Variants in SYPL2 observed in about 807,000 individuals in gnomAD.
SYPL2 encodes synaptophysin-like protein 2.
SYPL2 carries 24 observed loss-of-function variants against 31.3 expected under a neutral mutation model. The ratio of observed to expected loss-of-function variants is 0.77; its 90% CI spans 0.56 to 1.08. SYPL2 has a LOEUF of 1.08. Among genes scored for constraint, SYPL2 ranks in the 50% least tolerant of loss-of-function variants. The pLI, the probability that SYPL2 is intolerant of heterozygous loss-of-function variation, is 0.00. For missense variants in SYPL2, 342 were observed against 360.1 expected (o/e 0.95, Z 0.41); for synonymous variants, 144 against 143.1 (o/e 1.01, Z -0.05).
chr1:109,476,726 GGA>G, intron 3 of SYPL2, 48 bp from the exon 4 acceptor site: 1 of 1,581,328 alleles, frequency 6.3e-7, no homozygotes, highest in Non-Finnish European at 8.6e-7. Context: ...TCTGGGCCAG[GGA>G]GAGAGAGGAT....
At chr1:109,469,108 G>A (rs1286134889) in intron 2 of SYPL2, among the ~76,000 whole-genome samples, 9 of 152,206 alleles carry the variant, frequency 5.9e-5, no homozygotes, top group Non-Finnish European at 1.5e-5. Context: ...AAGCTCTGCA[G>A]ATGAGGTAAC....
At chr1:109,468,035 CT>C (rs2100998172) in intron 2 of SYPL2, among the ~76,000 whole-genome samples, 1 of 152,324 alleles carries the variant, frequency 6.6e-6, no homozygotes, top group Non-Finnish European at 1.5e-5. Flanking sequence ...TCAGTTTCCC[CT>C]GTTACAGTCT....
rs373897450 is a variant in SYPL2, at chr1:109,480,313, G to A, written c.*765G>A. ...CCTCAATCCTCCCACCCACCAGGCT[G>A]GGGCACTTTCCACCAACACTCTAAA... is the stretch of plus-strand genomic sequence containing the variant. On this transcript the variant is annotated 3_prime_UTR_variant, in exon 6 of 6. Coordinates refer to ENST00000369872, the MANE Select transcript of SYPL2 (RefSeq NM_001040709.2). 1.3e-5 allele frequency: 2 copies of A among 152,254 alleles called. No individual in the cohort carries two copies. Among genetic ancestry groups the A allele is most frequent in the East Asian group, 1.9e-4 (1 of 5,190 alleles). 9.4% of individuals were successfully genotyped at this position (152,254 alleles called of 1,614,324 possible). A position where few individuals can be genotyped will look rare whatever the true frequency, so the allele number is the denominator to read the frequency against.
chr1:109,467,309 A>C (rs921006996), intron 2 of SYPL2, among the ~76,000 whole-genome samples, 176 bp downstream of exon 2: 22 of 152,172 alleles, frequency 1.4e-4, no homozygotes, highest in Admixed American at 4.6e-4. Context: ...CTCCGGACTT[A>C]GTGGCAGGAG....
chr1:109,474,631 G>A (rs1655942428), intron 2 of SYPL2, among the ~76,000 whole-genome samples: 1 of 151,918 alleles, frequency 6.6e-6, no homozygotes, highest in Non-Finnish European at 1.5e-5. Flanking sequence ...GTGAGCCACC[G>A]CACCTGGCCT....
At position 109,477,877 on chromosome 1, in the gene SYPL2, C is replaced by A. The variant is rs778048184; in HGVS notation, c.516C>A (p.Gly172=). The A allele has an allele frequency of 1.2e-6, 2 of 1,614,044 alleles. No homozygotes were observed. Among genetic ancestry groups the A allele is most frequent in the South Asian group, 2.2e-5 (2 of 91,056 alleles). ...FFWLVAAAAW[G]KGLTDVKGAT... ...GGCTGGTAGCTGCAGCTGCCTGGGG[C>A]AAGGGCCTGACCGATGTCAAGGGGG... is the stretch of plus-strand genomic sequence containing the variant. Residue 172 remains glycine (G), a synonymous_variant, in exon 5 of 6, where the codon GGC becomes GGA. Coordinates refer to ENST00000369872, the MANE Select transcript of SYPL2 (RefSeq NM_001040709.2).
intron 3 of SYPL2, 76 bp downstream of exon 3, chr1:109,475,781 C>A: frequency 6.4e-7 from 1 of 1,551,772 alleles, no homozygotes; most frequent in Non-Finnish European, 8.7e-7. Context: ...TCTTCCTCCT[C>A]CAGAAACCTA....
At position 109,467,229 on chromosome 1, in the gene SYPL2, C is replaced by A. The variant is rs576144180; in HGVS notation, c.129+96C>A. 176 of 442,694 alleles carry A rather than the reference C, an allele frequency of 4.0e-4. 1 individual carries two copies. Among genetic ancestry groups the A allele is most frequent in the African/African-American group, 3.9e-3 (160 of 41,102 alleles). 27.4% of individuals were successfully genotyped at this position (442,694 alleles called of 1,614,324 possible). A position where few individuals can be genotyped will look rare whatever the true frequency, so the allele number is the denominator to read the frequency against. ...CAGGGTGGGGGCTGGGGAGGTGCTG[C>A]GGCCGGGCCACGGCGGAAGGGTGGG... On this transcript the variant is annotated intron_variant, in intron 2 of 5. Transcript: ENST00000369872.
chr1:109,472,032 TAACTTA>T (rs1312935775), intron 2 of SYPL2, among the ~76,000 whole-genome samples: 3 of 152,080 alleles, frequency 2.0e-5, no homozygotes, highest in African/African-American at 7.2e-5. Flanking sequence ...TAATTCTGAT[TAACTTA>T]AACTTAAATA....
chr1:109,474,771 C>T (rs552271106), intron 2 of SYPL2, among the ~76,000 whole-genome samples: 2 of 152,268 alleles, frequency 1.3e-5, no homozygotes, highest in South Asian at 2.1e-4. Context: ...GAAAACAATT[C>T]GAGTGACCTG....
chr1:109,473,547 G>A (rs529560493), intron 2 of SYPL2, among the ~76,000 whole-genome samples: 2 of 152,268 alleles, frequency 1.3e-5, no homozygotes, highest in East Asian at 3.9e-4. Context: ...CTCAGAGAGT[G>A]AGAGAGTTCC....
chr1:109,473,326 A>G (rs560259966), intron 2 of SYPL2, among the ~76,000 whole-genome samples: 1 of 152,260 alleles, frequency 6.6e-6, no homozygotes, highest in African/African-American at 2.4e-5. Context: ...TCTTTCCCAG[A>G]TATCTTTAAA....
Position 109,466,864 on chromosome 1 carries a change from C to T in SYPL2, c.21C>T (p.Ala7=). Residue 7 remains alanine (A), a synonymous_variant, in exon 1 of 6, where the codon GCC becomes GCT. Coordinates refer to ENST00000369872, the MANE Select transcript of SYPL2 (RefSeq NM_001040709.2). MSSTES[A]GRTADKSPRQ... ...CCAGCATGTCCTCGACCGAGAGCGC[C>T]GGCCGCACGGCGGACAAGTCGCCGC... 2 of 1,529,022 alleles carry T rather than the reference C, an allele frequency of 1.3e-6. No individual in the cohort carries two copies. Among genetic ancestry groups the T allele is most frequent in the East Asian group, 2.5e-5 (1 of 40,046 alleles). The allele number at this position is 1,529,022 out of a possible 1,614,324, so 94.7% of individuals were successfully genotyped here. A position where few individuals can be genotyped will look rare whatever the true frequency, so the allele number is the denominator to read the frequency against.
chr1:109,476,927 T>A lies in SYPL2; in HGVS notation c.406T>A (p.Tyr136Asn). 6.2e-7 allele frequency: 1 copy of A among 1,614,190 alleles called. No individual in the cohort carries two copies. Among genetic ancestry groups the A allele is most frequent in the Non-Finnish European group, 8.5e-7 (1 of 1,180,038 alleles). ...FFYTMAALVI[Y>N]LRFHNLYTEN... The stretch of plus-strand genomic sequence containing the variant: ...CTATACCATGGCTGCCCTAGTTATC[T>A]ACCTGCGCTTCCACAACCTCTACAC... The change falls in exon 4 of 6, where the codon TAC becomes AAC. Residue 136 changes from tyrosine to asparagine, a missense_variant. Physicochemically the swap from Tyr to Asn is moderately radical, Grantham distance 143 (BLOSUM62 -2). Coordinates refer to ENST00000369872, the MANE Select transcript of SYPL2 (RefSeq NM_001040709.2).
At chr1:109,472,218 G>A (rs1655857468) in intron 2 of SYPL2, among the ~76,000 whole-genome samples, 1 of 152,050 alleles carries the variant, frequency 6.6e-6, no homozygotes, top group Non-Finnish European at 1.5e-5. Flanking sequence ...CTGGGCTCAA[G>A]AGATCTTCCC....
chr1:109,474,857 T>C (rs765418338), intron 2 of SYPL2, among the ~76,000 whole-genome samples: 1 of 152,126 alleles, frequency 6.6e-6, no homozygotes. Context: ...GGGGAAACAG[T>C]GGAGACTGAT....
chr1:109,479,992 G>A lies in SYPL2; in HGVS notation c.*444G>A, dbSNP rs2101009118. ...GCCTTCCCCTCTGGTCCCTTGTGTG[G>A]AGGCCCCAATAGTGGTTTGGCGACC... On this transcript the variant is annotated 3_prime_UTR_variant, in exon 6 of 6. Transcript: ENST00000369872. The A allele has an allele frequency of 6.1e-6, 1 of 164,350 alleles. No homozygotes were observed. Among genetic ancestry groups the A allele is most frequent in the South Asian group, 1.7e-4 (1 of 5,888 alleles). 10.2% of individuals were successfully genotyped at this position (164,350 alleles called of 1,614,324 possible).
chr1:109,480,532 G>A lies in SYPL2; in HGVS notation c.*984G>A, dbSNP rs1159422777. ...TCCAGGCCTTCCTTTTATTCCTGTGGGGCCAGACAGGGGCTTAGGAAGGGC... is the reference window on the plus strand; with the variant it reads ...TCCAGGCCTTCCTTTTATTCCTGTGAGGCCAGACAGGGGCTTAGGAAGGGC... On this transcript the variant is annotated 3_prime_UTR_variant, in exon 6 of 6. Coordinates refer to ENST00000369872, the MANE Select transcript of SYPL2 (RefSeq NM_001040709.2). 6.6e-6 allele frequency: 1 copy of A among 152,168 alleles called. No homozygotes were observed. The highest frequency in any genetic ancestry group is 1.5e-5 in the Non-Finnish European group (1 of 68,060). The allele number at this position is 152,168 out of a possible 1,614,324, so 9.4% of individuals were successfully genotyped here.
chr1:109,479,563 G>A lies in SYPL2; in HGVS notation c.*15G>A. On this transcript the variant is annotated 3_prime_UTR_variant, in exon 6 of 6. Transcript: ENST00000369872. ...AGAAGCAGTAAGCAGCCCCCCACCT[G>A]GCTATTCCCGAACTGGACAGCACCT... 8 of 1,609,906 alleles carry A rather than the reference G, an allele frequency of 5.0e-6. No homozygotes were observed. Among genetic ancestry groups the A allele is most frequent in the Non-Finnish European group, 5.9e-6 (7 of 1,177,242 alleles).
Sources: allele counts gnomAD v4.1 joint callset (sites outside exome capture counted in the v4.1 genomes callset), GRCh38; gene constraint gnomAD v4.1.1; transcripts MANE v1.5; gene names NCBI Gene and HGNC (gene_info 2026-07-23, HGNC 2026-07-21).